Variants in CDH6 observed in about 807,000 individuals in gnomAD.
CDH6 encodes cadherin-6.
CDH6 carries 31 observed loss-of-function variants against 78.0 expected under a neutral mutation model. That is an observed-to-expected ratio of 0.40 (90% confidence interval 0.30 to 0.54). The LOEUF (loss-of-function observed/expected upper bound fraction) is 0.54, where lower values mean the gene tolerates loss of function less well. Ranked by LOEUF, CDH6 falls within the 20% of genes least tolerant of loss-of-function variation. The pLI is 0.56. For missense variants in CDH6, 724 were observed against 975.9 expected, an observed-to-expected ratio of 0.74 and a Z score of 3.44; for synonymous variants, 376 against 368.8, an observed-to-expected ratio of 1.02 and a Z score of -0.23.
intron 5 of CDH6, among the ~76,000 whole-genome samples, chr5:31,300,844 G>A (rs1407746294): frequency 6.6e-6 from 1 of 152,142 alleles, no homozygotes; most frequent in East Asian, 1.9e-4. Context: ...CTTAACCTGG[G>A]GCACACCAAC....
At chr5:31,265,875 C>T (rs1011340912) in intron 1 of CDH6, among the ~76,000 whole-genome samples, 6 of 144,096 alleles carry the variant, frequency 4.2e-5, no homozygotes, top group African/African-American at 7.6e-5. Flanking sequence ...CCTGGGTTCA[C>T]GCCATTCTCC....
rs568706834 is a variant in CDH6, at chr5:31,302,801, A to G, written c.999+503A>G. Among the ~76,000 whole-genome samples, 239 of 69,218 alleles carry G rather than the reference A, an allele frequency of 3.5e-3. 1 individual carries two copies. The highest frequency in any genetic ancestry group is 0.015 in the African/African-American group (232 of 15,054). The allele number at this position is 69,218 out of a possible 152,430, so 45.4% of individuals were successfully genotyped here. A position where few individuals can be genotyped will look rare whatever the true frequency, so the allele number is the denominator to read the frequency against. ...GAAAGAGAGAGAGAGAGAGAGAGAG[A>G]AAGAAAGAAAGAAAGAAAGAAAGAA... On this transcript the variant is annotated intron_variant, in intron 6 of 11. Transcript: ENST00000265071.
intron 6 of CDH6, among the ~76,000 whole-genome samples, chr5:31,304,735 A>G (rs1737931969): frequency 6.6e-6 from 1 of 151,198 alleles, no homozygotes; most frequent in South Asian, 2.1e-4. Context: ...GACATGGAAT[A>G]ACCCACTGTG....
In CDH6 at chr5:31,324,086, C is replaced by T. The variant is rs1738554824; in HGVS notation, c.*778C>T. The T allele has an allele frequency of 9.0e-6, 2 of 222,118 alleles. No homozygotes were observed. Among genetic ancestry groups the T allele is most frequent in the African/African-American group, 4.5e-5 (2 of 44,822 alleles). 13.8% of individuals were successfully genotyped at this position (222,118 alleles called of 1,614,324 possible). On this transcript the variant is annotated 3_prime_UTR_variant, in exon 12 of 12. Transcript: ENST00000265071. The stretch of plus-strand genomic sequence containing the variant: ...AACCAAGGAAATATATTTTACCATA[C>T]ATTTAAAGTTTTGGCCACCACATGT...
intron 1 of CDH6, among the ~76,000 whole-genome samples, chr5:31,224,701 G>T (rs527994282): frequency 1.3e-5 from 2 of 151,908 alleles, no homozygotes; most frequent in Non-Finnish European, 2.9e-5. Flanking sequence ...CTACAGGCAC[G>T]TGCCACCACA....
intron 4 of CDH6, among the ~76,000 whole-genome samples, chr5:31,299,113 C>G (rs1485253900): frequency 6.6e-6 from 1 of 152,098 alleles, no homozygotes; most frequent in Non-Finnish European, 1.5e-5. Flanking sequence ...ATACCACAAG[C>G]CATTTTAGAT....
At position 31,267,492 on chromosome 5, in the gene CDH6, T is replaced by A. The variant is rs1335576092; in HGVS notation, c.19T>A (p.Phe7Ile). 1.2e-6 allele frequency: 2 copies of A among 1,613,912 alleles called. No individual in the cohort carries two copies. Among genetic ancestry groups the A allele is most frequent in the African/African-American group, 2.7e-5 (2 of 74,884 alleles). ...CATCAGCATGAGAACTTACCGCTACTTCTTGCTGCTCTTTTGGGTGGGCCA... is the reference window on the plus strand; with the variant it reads ...CATCAGCATGAGAACTTACCGCTACATCTTGCTGCTCTTTTGGGTGGGCCA... The part of the protein sequence containing the change: MRTYRY[F>I]LLLFWVGQPY... The change falls in exon 2 of 12, where the codon TTC becomes ATC. Residue 7 changes from phenylalanine to isoleucine, a missense_variant. Physicochemically the swap from Phe to Ile is conservative, Grantham distance 21. Around this residue, in one of 3 missense-constraint regions of CDH6, gnomAD observed 58 missense variants for 50.8 expected, o/e 1.14. Coordinates refer to ENST00000265071, the MANE Select transcript of CDH6 (RefSeq NM_004932.4).
chr5:31,195,300 C>T (rs966949435), intron 1 of CDH6, among the ~76,000 whole-genome samples: 42 of 152,156 alleles, frequency 2.8e-4, no homozygotes, highest in African/African-American at 9.9e-4. Flanking sequence ...GTTAATTATC[C>T]AGGGGGTTGC....
At chr5:31,197,761 A>G (rs1349686259) in intron 1 of CDH6, among the ~76,000 whole-genome samples, 1 of 152,168 alleles carries the variant, frequency 6.6e-6, no homozygotes, top group Non-Finnish European at 1.5e-5. Context: ...CGTTTTTTTC[A>G]TGTTGTTTTC....
At chr5:31,304,612 G>A (rs2962786) in intron 6 of CDH6, among the ~76,000 whole-genome samples, 2,495 of 149,314 alleles carry the variant, frequency 0.017, 69 homozygotes, top group African/African-American at 0.058. Flanking sequence ...TTGAATCCGG[G>A]AGGCAGTGGT....
chr5:31,229,433 G>A (rs1741252128), intron 1 of CDH6, among the ~76,000 whole-genome samples: 1 of 152,224 alleles, frequency 6.6e-6, no homozygotes, highest in African/African-American at 2.4e-5. Context: ...AGGAACTGGA[G>A]GCTCAGGAAA....
chr5:31,302,954 A>AGAAAGAAAGAAG (rs1491181731), intron 6 of CDH6, among the ~76,000 whole-genome samples: 163 of 129,738 alleles, frequency 1.3e-3, no homozygotes, highest in African/African-American at 4.0e-3. Flanking sequence ...AAAGAAAGAA[A>AGAAAGAAAGAAG]GAAGGAAAGA....
intron 2 of CDH6, among the ~76,000 whole-genome samples, chr5:31,290,084 C>A (rs919773289): frequency 2.6e-5 from 4 of 152,118 alleles, no homozygotes; most frequent in African/African-American, 9.7e-5. Flanking sequence ...TGGTAAAACT[C>A]TGTCTCTACT....
At chr5:31,233,520 A>AAAAAAAAC (rs1554004628) in intron 1 of CDH6, among the ~76,000 whole-genome samples, 3 of 149,936 alleles carry the variant, frequency 2.0e-5, no homozygotes, top group African/African-American at 7.3e-5. Flanking sequence ...GTCTCAAAAA[A>AAAAAAAAC]AAAAAACAAA....
At chr5:31,210,735 C>G (rs1740680827) in intron 1 of CDH6, among the ~76,000 whole-genome samples, 1 of 152,142 alleles carries the variant, frequency 6.6e-6, no homozygotes, top group African/African-American at 2.4e-5. Flanking sequence ...ACTTATAATA[C>G]CTAATACACT....
chr5:31,234,578 AG>A (rs920665286), intron 1 of CDH6, among the ~76,000 whole-genome samples: 2 of 152,142 alleles, frequency 1.3e-5, no homozygotes, highest in African/African-American at 4.8e-5. Flanking sequence ...CTCCACCACC[AG>A]GTTCTCACTG....
At chr5:31,277,071 G>A (rs1299988887) in intron 2 of CDH6, among the ~76,000 whole-genome samples, 2 of 152,216 alleles carry the variant, frequency 1.3e-5, no homozygotes, top group African/African-American at 4.8e-5. Context: ...TGCTGCCAAA[G>A]CAGTGAAGGC....
chr5:31,234,437 TG>T (rs1741397351), intron 1 of CDH6, among the ~76,000 whole-genome samples: 1 of 152,218 alleles, frequency 6.6e-6, no homozygotes, highest in South Asian at 2.1e-4. Flanking sequence ...CATCAGAGAT[TG>T]ATAATGGGAA....
chr5:31,312,548 G>A (rs1217113019), intron 7 of CDH6, among the ~76,000 whole-genome samples: 1 of 152,138 alleles, frequency 6.6e-6, no homozygotes, highest in Non-Finnish European at 1.5e-5. Context: ...AAAATTAGCA[G>A]GGCATGGTGA....
Sources: gnomAD v4.1 joint callset for allele counts (sites outside exome capture counted in the v4.1 genomes callset) on GRCh38, gnomAD v4.1.1 for gene constraint, gnomAD v4.1.1 regional missense constraint, MANE v1.5 for transcripts, NCBI Gene and HGNC (gene_info 2026-07-23, HGNC 2026-07-21) for gene names.